Variants in RSRC1 observed in about 807,000 individuals in gnomAD.
RSRC1 encodes the protein arginine and serine rich coiled-coil 1.
RSRC1 carries 39 observed loss-of-function variants against 49.1 expected under a neutral mutation model. The observed-to-expected ratio is 0.79, with a 90% CI of 0.61 to 1.04. RSRC1 has a LOEUF of 1.04. Among genes scored for constraint, RSRC1 ranks in the 50% least tolerant of loss-of-function variants. The pLI is 0.00. For synonymous variants in RSRC1, 143 were observed against 130.8 expected (o/e 1.09, Z -0.63); for missense variants, 388 against 402.4 (o/e 0.96, Z 0.31).
chr3:158,161,109 T>G (rs1338061342), intron 3 of RSRC1, among the ~76,000 whole-genome samples: 1 of 152,182 alleles, frequency 6.6e-6, no homozygotes, highest in Non-Finnish European at 1.5e-5. Context: ...GTCTTTATAT[T>G]AGTCAGCTAT....
At chr3:158,543,749 C>CTT (rs34676157) in intron 9 of RSRC1, 1,227 of 258,568 alleles carry the variant, frequency 4.7e-3, no homozygotes, top group Middle Eastern at 8.1e-3. Flanking sequence ...GCATTTTTTC[C>CTT]TTTTTTTTTT....
intron 4 of RSRC1, among the ~76,000 whole-genome samples, chr3:158,203,822 T>C (rs1285373314): frequency 2.0e-5 from 3 of 152,206 alleles, no homozygotes; most frequent in Non-Finnish European, 2.9e-5. Context: ...AGAATTGATA[T>C]TATTAAAACA....
chr3:158,521,010 G>A (rs979230616), intron 7 of RSRC1, among the ~76,000 whole-genome samples: 2 of 152,006 alleles, frequency 1.3e-5, no homozygotes, highest in South Asian at 2.1e-4. Flanking sequence ...TACCTAAGAG[G>A]TTTGCAGATT....
chr3:158,202,754 A>C (rs827802), intron 3 of RSRC1, among the ~76,000 whole-genome samples: 86,973 of 150,522 alleles, frequency 0.58, 25,468 homozygotes, highest in East Asian at 0.73. Flanking sequence ...AGAGAAAAGG[A>C]AAGCCTTATT....
Position 158,260,711 on chromosome 3 carries a change from G to C in RSRC1, c.495-37328G>C, listed in dbSNP as rs535135382. Among the ~76,000 whole-genome samples the C allele has an allele frequency of 8.5e-5, 13 of 152,282 alleles. No homozygotes were observed. In the South Asian group the frequency reaches 2.7e-3, roughly 32 times the overall value. On this transcript the variant is annotated intron_variant, in intron 4 of 9. Coordinates refer to ENST00000611884, the MANE Select transcript of RSRC1 (RefSeq NM_001271838.2). ...ACCCCAGGCTACTTTAGCCCATATT[G>C]ACAGAGCTTGCCAGCACTCTAATTC...
At chr3:158,368,173 G>A (rs933006253) in intron 6 of RSRC1, among the ~76,000 whole-genome samples, 14 of 152,178 alleles carry the variant, frequency 9.2e-5, no homozygotes, top group Non-Finnish European at 1.5e-4. Flanking sequence ...GAAGTATGTT[G>A]CTTGTGGGCT....
At chr3:158,210,475 C>CAA (rs201555187) in intron 4 of RSRC1, among the ~76,000 whole-genome samples, 2 of 59,398 alleles carry the variant, frequency 3.4e-5, no homozygotes, top group Non-Finnish European at 3.6e-5. Flanking sequence ...TTATAGCATG[C>CAA]AAAAAAAAAA....
intron 3 of RSRC1, among the ~76,000 whole-genome samples, chr3:158,153,615 A>G (rs1053440006): frequency 1.3e-5 from 2 of 152,214 alleles, no homozygotes; most frequent in African/African-American, 4.8e-5. Flanking sequence ...GTTACTTGGT[A>G]GTCATGCCCC....
chr3:158,466,738 CATTAT>C (rs1265698525), intron 7 of RSRC1, among the ~76,000 whole-genome samples: 1 of 152,160 alleles, frequency 6.6e-6, no homozygotes, highest in Non-Finnish European at 1.5e-5. Context: ...TGCCTGGAAT[CATTAT>C]AATATGAAAT....
At chr3:158,481,049 G>GAA (rs561973341) in intron 7 of RSRC1, among the ~76,000 whole-genome samples, 4 of 152,044 alleles carry the variant, frequency 2.6e-5, no homozygotes, top group South Asian at 4.1e-4. Context: ...AGAAGAAGCA[G>GAA]AAAACCACCT....
At chr3:158,392,554 T>C (rs1286824430) in intron 6 of RSRC1, among the ~76,000 whole-genome samples, 1 of 151,984 alleles carries the variant, frequency 6.6e-6, no homozygotes, top group African/African-American at 2.4e-5. Flanking sequence ...AAATACCAAT[T>C]ATAAACCAAC....
At chr3:158,407,141 T>C (rs1206679244) in intron 6 of RSRC1, among the ~76,000 whole-genome samples, 1 of 152,158 alleles carries the variant, frequency 6.6e-6, no homozygotes, top group Non-Finnish European at 1.5e-5. Flanking sequence ...TTGTCCTCTT[T>C]GTTATTGATC....
At chr3:158,283,719 T>G (rs368447421) in intron 4 of RSRC1, among the ~76,000 whole-genome samples, 2 of 152,160 alleles carry the variant, frequency 1.3e-5, no homozygotes, top group African/African-American at 4.8e-5. Context: ...CTTAGAGAAG[T>G]AGACTGTGAG....
intron 7 of RSRC1, among the ~76,000 whole-genome samples, chr3:158,495,102 C>T (rs1739260914): frequency 1.3e-5 from 2 of 152,136 alleles, no homozygotes; most frequent in African/African-American, 4.8e-5. Context: ...GTTAGGGTAG[C>T]TATGACATCA....
At chr3:158,364,368 G>C (rs1313485706) in intron 6 of RSRC1, among the ~76,000 whole-genome samples, 2 of 152,078 alleles carry the variant, frequency 1.3e-5, no homozygotes, top group African/African-American at 4.8e-5. Context: ...CCCCCAAAAA[G>C]AGCAGGAGAT....
intron 3 of RSRC1, among the ~76,000 whole-genome samples, chr3:158,173,867 T>C (rs559710434): frequency 3.6e-4 from 55 of 152,024 alleles, no homozygotes; most frequent in African/African-American, 1.3e-3. Context: ...AATCACATAC[T>C]GTACCATTCT....
chr3:158,525,468 T>C (rs1337905926), intron 7 of RSRC1, among the ~76,000 whole-genome samples: 2 of 152,080 alleles, frequency 1.3e-5, no homozygotes, highest in East Asian at 3.9e-4. Context: ...TAAAATGGTA[T>C]AACCACTTTG....
At chr3:158,423,116 A>G (rs1458174700) in intron 6 of RSRC1, among the ~76,000 whole-genome samples, 2 of 151,712 alleles carry the variant, frequency 1.3e-5, no homozygotes, top group Admixed American at 6.6e-5. Context: ...TTTTGTTGCC[A>G]TTGCTTTTGG....
intron 5 of RSRC1, among the ~76,000 whole-genome samples, chr3:158,340,539 T>G (rs2108213457): frequency 6.6e-6 from 1 of 151,850 alleles, no homozygotes; most frequent in Non-Finnish European, 1.5e-5. Context: ...AGAGTCCGTC[T>G]CAAAAAAAGA....
Sources: gnomAD v4.1 joint callset for allele counts (sites outside exome capture counted in the v4.1 genomes callset) on GRCh38, gnomAD v4.1.1 for gene constraint, MANE v1.5 for transcripts, NCBI Gene and HGNC (gene_info 2026-07-23, HGNC 2026-07-21) for gene names.